MAN2B2: variants seen among roughly 807,000 people sequenced by gnomAD.
MAN2B2 encodes the protein mannosidase alpha class 2B member 2.
In MAN2B2, 106 loss-of-function variants were observed where a neutral mutation model predicts 117.1. The ratio of observed to expected loss-of-function variants is 0.90; its 90% confidence interval spans 0.77 to 1.06. The LOEUF is 1.06. Among genes scored for constraint, MAN2B2 ranks in the 50% least tolerant of loss-of-function variants. The pLI, the probability that MAN2B2 is intolerant of heterozygous loss-of-function variation, is 0.00. For synonymous variants in MAN2B2, 544 were observed against 595.1 expected (o/e 0.91, Z 1.25); for missense variants, 1,326 against 1,381.4 (o/e 0.96, Z 0.64).
At chr4:6,615,783 G>C (rs1055427735) in intron 16 of MAN2B2, among the ~76,000 whole-genome samples, 1 of 151,790 alleles carries the variant, frequency 6.6e-6, no homozygotes, top group Non-Finnish European at 1.5e-5. Context: ...CTGGGCAACA[G>C]AGCAAGACCC....
chr4:6,584,414 A>G (rs1726556351), intron 3 of MAN2B2, among the ~76,000 whole-genome samples: 1 of 152,236 alleles, frequency 6.6e-6, no homozygotes, highest in East Asian at 1.9e-4. Context: ...CTATACCCAT[A>G]GTCTATTCTG....
chr4:6,598,412 G>T, intron 9 of MAN2B2, 58 bp downstream of exon 9: 1 of 1,556,024 alleles, frequency 6.4e-7, no homozygotes, highest in South Asian at 1.2e-5. Context: ...GCCTGAGGAG[G>T]TCAGGGGAGG....
rs533823987 is a variant in MAN2B2, at chr4:6,612,256, GGA to G, written c.2563+982_2563+983del. 1.6e-3 allele frequency among the ~76,000 whole-genome samples: 248 copies of G among 152,346 alleles called. 3 individuals carry two copies. Among genetic ancestry groups the G allele is most frequent in the African/African-American group, 5.7e-3 (237 of 41,580 alleles). On this transcript the variant is annotated intron_variant, in intron 15 of 18. Transcript: ENST00000285599. ...GATGCAGAAGAGCAGCCCGGACCCA[GGA>G]GAGTTTTCCTGGGCTGTTGGACAGG...
In MAN2B2 at chr4:6,587,004, G is replaced by A. The variant is rs539848113; in HGVS notation, c.400G>A (p.Gly134Arg). 75 of 1,613,370 alleles carry A rather than the reference G, an allele frequency of 4.6e-5. No homozygotes were observed. Among genetic ancestry groups the A allele is most frequent in the South Asian group, 3.3e-4 (30 of 90,996 alleles). Reference protein sequence around the residue: ...DQILQLTEGHGFLYETFGIRP... With the variant: ...DQILQLTEGHRFLYETFGIRP... ...TGTTGCTGTCTTTGCAGAAGGACAC[G>A]GGTTTCTCTATGAAACATTTGGGAT... The change falls in exon 4 of 19, where the codon GGG becomes AGG. Residue 134 changes from glycine (G) to arginine (R), a missense_variant. Physicochemically the swap from Gly to Arg is moderately radical, Grantham distance 125. Coordinates refer to ENST00000285599, the MANE Select transcript of MAN2B2 (RefSeq NM_015274.3).
chr4:6,581,220 G>A lies in MAN2B2; in HGVS notation c.391+2722G>A, dbSNP rs113557694. On this transcript the variant is annotated intron_variant, in intron 3 of 18. Coordinates refer to ENST00000285599, the MANE Select transcript of MAN2B2 (RefSeq NM_015274.3). ...TGGGACCCAGATCCAACCCTAGCCC[G>A]GCCGAGTCAGGAAGGTTACTTGTGG... Among the ~76,000 whole-genome samples the A allele has an allele frequency of 7.7e-3, 1,168 of 152,198 alleles. 23 individuals carry two copies. The highest frequency in any genetic ancestry group is 0.025 in the African/African-American group (1,052 of 41,498).
chr4:6,594,863 T>A (rs1727015752), intron 7 of MAN2B2, 131 bp downstream of exon 7: 3 of 954,186 alleles, frequency 3.1e-6, no homozygotes, highest in Non-Finnish European at 4.7e-6. Context: ...AGGTTCTGTG[T>A]GGGGCGCAGG....
chr4:6,590,081 A>T (rs1407495214), intron 5 of MAN2B2, among the ~76,000 whole-genome samples: 1 of 149,250 alleles, frequency 6.7e-6, no homozygotes. Flanking sequence ...TAAAATAAAA[A>T]AAAAAATAGG....
chr4:6,581,148 T>TTTGAGGC (rs1158834183), intron 3 of MAN2B2, among the ~76,000 whole-genome samples: 1 of 152,106 alleles, frequency 6.6e-6, no homozygotes, highest in Non-Finnish European at 1.5e-5. Flanking sequence ...TGTAGAGAAG[T>TTTGAGGC]TTGAGGCTCA....
At position 6,614,350 on chromosome 4, in the gene MAN2B2, G is replaced by A. The variant is rs200030297; in HGVS notation, c.2696G>A (p.Arg899Gln). 292 of 1,613,634 alleles carry A rather than the reference G, an allele frequency of 1.8e-4. No individual in the cohort carries two copies. Among genetic ancestry groups the A allele is most frequent in the Non-Finnish European group, 2.3e-4 (268 of 1,179,828 alleles). Residue 899 changes from arginine to glutamine, a missense_variant, in exon 16 of 19, where the codon CGG becomes CAG. Physicochemically the swap from Arg to Gln is conservative, Grantham distance 43. Transcript: ENST00000285599. ...SNHTEHSQNL[R>Q]KGHRGEAQAD... ...CACACGGAGCACTCTCAGAATCTCC[G>A]GAAAGGTGAGGCAGGTGCCCTGGCG...
At chr4:6,589,252 G>C in intron 5 of MAN2B2, 92 bp downstream of exon 5, 1 of 1,006,444 alleles carries the variant, frequency 9.9e-7, no homozygotes. Context: ...TTGTTTATTG[G>C]TTTTAAGACA....
chr4:6,592,143 C>G (rs1168671223), intron 5 of MAN2B2, among the ~76,000 whole-genome samples: 1 of 152,218 alleles, frequency 6.6e-6, no homozygotes, highest in African/African-American at 2.4e-5. Context: ...CTTAGCCTCT[C>G]TTGGAAGAGG....
chr4:6,590,618 A>G (rs1012277947), intron 5 of MAN2B2, among the ~76,000 whole-genome samples: 1 of 152,132 alleles, frequency 6.6e-6, no homozygotes, highest in African/African-American at 2.4e-5. Flanking sequence ...ACCTGCCCTC[A>G]ACCCCAGTGA....
At position 6,587,024 on chromosome 4, in the gene MAN2B2, T is replaced by A. The variant is rs754462332; in HGVS notation, c.420T>A (p.Phe140Leu). Residue 140 changes from phenylalanine to leucine, a missense_variant, in exon 4 of 19, where the codon TTT (phenylalanine) becomes TTA (leucine). Transcript: ENST00000285599. ...TEGHGFLYET[F>L]GIRPQFSWHV... ...GACACGGGTTTCTCTATGAAACATT[T>A]GGGATCCGGCCACAGTTCTCCTGGC... 5 of 1,613,964 alleles carry A rather than the reference T, an allele frequency of 3.1e-6. No individual in the cohort carries two copies. The highest frequency in any genetic ancestry group is 4.2e-6 in the Non-Finnish European group (5 of 1,179,974).
chr4:6,594,168 C>T (rs956434789), intron 6 of MAN2B2, among the ~76,000 whole-genome samples: 5 of 152,108 alleles, frequency 3.3e-5, no homozygotes, highest in African/African-American at 1.2e-4. Context: ...CAGGGCCGGG[C>T]GCTGTGGCTC....
chr4:6,577,982 A>G (rs1230033575), intron 2 of MAN2B2, among the ~76,000 whole-genome samples: 1 of 152,240 alleles, frequency 6.6e-6, no homozygotes, highest in Non-Finnish European at 1.5e-5. Context: ...GTGTGTACAC[A>G]TACTGAGGTG....
chr4:6,575,726 G>A (rs1274878456), intron 1 of MAN2B2, among the ~76,000 whole-genome samples: 1 of 152,202 alleles, frequency 6.6e-6, no homozygotes, highest in Non-Finnish European at 1.5e-5. Context: ...CCCCTGCGGG[G>A]CTGAATATTG....
At chr4:6,576,478 A>G in intron 1 of MAN2B2, 100 bp from the exon 2 acceptor site, 1 of 1,412,788 alleles carries the variant, frequency 7.1e-7, no homozygotes, top group Admixed American at 1.9e-5. Context: ...GGAAGGGCAG[A>G]GCCCCCAACC....
At position 6,622,253 on chromosome 4, in the gene MAN2B2, T is replaced by A. The variant is rs1712208422; in HGVS notation, c.*968T>A. 1 of 152,098 alleles carries A rather than the reference T, an allele frequency of 6.6e-6. No individual in the cohort carries two copies. Among genetic ancestry groups the A allele is most frequent in the Non-Finnish European group, 1.5e-5 (1 of 68,020 alleles). The allele number at this position is 152,098 out of a possible 1,614,324, so 9.4% of individuals were successfully genotyped here. A position where few individuals can be genotyped will look rare whatever the true frequency, so the allele number is the denominator to read the frequency against. On this transcript the variant is annotated 3_prime_UTR_variant, in exon 19 of 19. Coordinates refer to ENST00000285599, the MANE Select transcript of MAN2B2 (RefSeq NM_015274.3). ...TCTGTGTATCAGAGACAAAGCACATTGGTGGTTGCCAGGTACTGGAGGAAG... is the reference window on the plus strand; with the variant it reads ...TCTGTGTATCAGAGACAAAGCACATAGGTGGTTGCCAGGTACTGGAGGAAG...
intron 10 of MAN2B2, among the ~76,000 whole-genome samples, chr4:6,603,573 G>T (rs1030593804): frequency 3.3e-5 from 5 of 152,156 alleles, no homozygotes; most frequent in Admixed American, 2.0e-4. Flanking sequence ...TATCCGTTAG[G>T]AGTAGATTCC....
Sources: allele counts gnomAD v4.1 joint callset (sites outside exome capture counted in the v4.1 genomes callset), GRCh38; gene constraint gnomAD v4.1.1; transcripts MANE v1.5; gene names NCBI Gene and HGNC (gene_info 2026-07-23, HGNC 2026-07-21).